DTNA: variants seen among roughly 807,000 people sequenced by gnomAD.
DTNA encodes dystrobrevin alpha.
A neutral mutation model predicts 100.7 loss-of-function variants in DTNA; 43 were observed. The ratio of observed to expected loss-of-function variants is 0.43; its 90% CI spans 0.33 to 0.55. The LOEUF is 0.55. DTNA is among the 20% of genes least tolerant of loss of function. The pLI, the probability that DTNA is intolerant of heterozygous loss-of-function variation, is 0.04. For synonymous variants in DTNA, 349 were observed against 347.9 expected, an observed-to-expected ratio of 1.00 and a Z score of -0.04; for missense variants, 798 against 953.9, an observed-to-expected ratio of 0.84 and a Z score of 2.15.
chr18:34,553,269 C>G (rs2045653289), intron 1 of DTNA, among the ~76,000 whole-genome samples: 1 of 151,358 alleles, frequency 6.6e-6, no homozygotes, highest in African/African-American at 2.4e-5. Context: ...ATTCTAGATT[C>G]TGGATATTAG....
chr18:34,886,050 C>T (rs1314280848), intron 22 of DTNA, among the ~76,000 whole-genome samples: 3 of 152,234 alleles, frequency 2.0e-5, no homozygotes, highest in Non-Finnish European at 2.9e-5. Context: ...AACATTTGAG[C>T]TTTCCCAATC....
At chr18:34,494,981 C>G (rs2039028721) in intron 1 of DTNA, among the ~76,000 whole-genome samples, 1 of 151,878 alleles carries the variant, frequency 6.6e-6, no homozygotes, top group African/African-American at 2.4e-5. Flanking sequence ...TAGATTTATT[C>G]ACTGTCTTAA....
chr18:34,761,323 A>G (rs531482164), intron 2 of DTNA, among the ~76,000 whole-genome samples: 24 of 152,372 alleles, frequency 1.6e-4, no homozygotes, highest in African/African-American at 5.3e-4. Flanking sequence ...AAAAATGGCT[A>G]TATAATGAGC....
chr18:34,596,674 T>C (rs2050675810), intron 1 of DTNA, among the ~76,000 whole-genome samples: 1 of 152,226 alleles, frequency 6.6e-6, no homozygotes, highest in African/African-American at 2.4e-5. Flanking sequence ...TTTTACACTC[T>C]TCGTTCTAGA....
intron 1 of DTNA, among the ~76,000 whole-genome samples, chr18:34,557,812 C>T (rs2046237967): frequency 6.6e-6 from 1 of 152,158 alleles, no homozygotes; most frequent in Non-Finnish European, 1.5e-5. Flanking sequence ...GAGGTTACTG[C>T]TGCCTTTTTG....
At chr18:34,727,007 C>G (rs949753601) in intron 1 of DTNA, among the ~76,000 whole-genome samples, 1 of 152,248 alleles carries the variant, frequency 6.6e-6, no homozygotes, top group African/African-American at 2.4e-5. Context: ...GCCTCCTTCA[C>G]TTGTGCATTC....
intron 1 of DTNA, among the ~76,000 whole-genome samples, chr18:34,571,804 A>C (rs944420581): frequency 6.6e-6 from 1 of 152,162 alleles, no homozygotes; most frequent in African/African-American, 2.4e-5. Flanking sequence ...CTTTTTCAAC[A>C]TACCCCATTC....
Position 34,629,075 on chromosome 18 carries a change from CAT to C in DTNA, c.-1-126897_-1-126896del, listed in dbSNP as rs201397829. On this transcript the variant is annotated intron_variant, in intron 1 of 19. Transcript: ENST00000283365. ...TTTATTAAATTATGAAATGGCATAT[CAT>C]ATAAATATTTTAACAATTAGAAGAA... is the stretch of plus-strand genomic sequence containing the variant. 5.0e-3 allele frequency among the ~76,000 whole-genome samples: 763 copies of C among 152,156 alleles called. 5 individuals are homozygous for C. Among genetic ancestry groups the C allele is most frequent in the African/African-American group, 0.017 (712 of 41,526 alleles).
In DTNA at chr18:34,864,069, C is replaced by T. The variant is rs1302434139; in HGVS notation, c.1743+7C>T. 1.2e-6 allele frequency: 2 copies of T among 1,603,146 alleles called. No individual in the cohort carries two copies. Among genetic ancestry groups the T allele is most frequent in the Non-Finnish European group, 8.5e-7 (1 of 1,174,528 alleles). On this transcript the variant is annotated splice_region_variant and intron_variant, in intron 17 of 22. Transcript: ENST00000444659. ...TCTCATGAAGCTACTAAAGGTAAGACCTGCCAGATAAATTTTCCTGAGCTT... is the reference window on the plus strand; with the variant it reads ...TCTCATGAAGCTACTAAAGGTAAGATCTGCCAGATAAATTTTCCTGAGCTT...
At chr18:34,854,297 C>G (rs2096526905) in intron 15 of DTNA, among the ~76,000 whole-genome samples, 1 of 152,108 alleles carries the variant, frequency 6.6e-6, no homozygotes, top group Non-Finnish European at 1.5e-5. Flanking sequence ...TTTTTTGGAA[C>G]AAAATATTAC....
At chr18:34,819,511 A>T (rs1168547778) in intron 8 of DTNA, among the ~76,000 whole-genome samples, 1 of 152,224 alleles carries the variant, frequency 6.6e-6, no homozygotes, top group Non-Finnish European at 1.5e-5. Flanking sequence ...CTATTTTCTT[A>T]TTGTTAGCAT....
chr18:34,652,087 G>A (rs563439784), intron 1 of DTNA, among the ~76,000 whole-genome samples: 1 of 142,830 alleles, frequency 7.0e-6, no homozygotes, highest in Non-Finnish European at 1.5e-5. Flanking sequence ...AAGAAAAAAG[G>A]AAGGAAGGAA....
At chr18:34,577,812 T>TA (rs56331755) in intron 1 of DTNA, among the ~76,000 whole-genome samples, 16,145 of 152,202 alleles carry the variant, frequency 0.11, 1,271 homozygotes, top group African/African-American at 0.22. Flanking sequence ...TGTATATGTA[T>TA]AATATATGTG....
intron 14 of DTNA, among the ~76,000 whole-genome samples, chr18:34,849,039 G>A (rs1344161981): frequency 6.6e-6 from 1 of 152,162 alleles, no homozygotes; most frequent in Non-Finnish European, 1.5e-5. Flanking sequence ...ATGACCGACT[G>A]CATTAGCCCT....
At chr18:34,591,113 A>AT (rs113703399) in intron 1 of DTNA, among the ~76,000 whole-genome samples, 49 of 151,464 alleles carry the variant, frequency 3.2e-4, no homozygotes, top group Middle Eastern at 3.4e-3. Flanking sequence ...TAAACATTTC[A>AT]TTTTTTTTTC....
rs140446215 is a variant in DTNA, at chr18:34,815,962, G to T, written c.657G>T (p.Pro219=). 9.9e-6 allele frequency: 16 copies of T among 1,613,622 alleles called. No individual in the cohort carries two copies. The highest frequency in any genetic ancestry group is 1.3e-5 in the Non-Finnish European group (15 of 1,179,770). ...ACACGCTTATGTCAGATCCTCCCCC[G>T]CAGTGTCTGGTCTGGTTGCCTCTTC... ...FLDTLMSDPP[P]QCLVWLPLLH... Residue 219 remains proline, a synonymous_variant, in exon 7 of 23, where the codon CCG becomes CCT. Coordinates refer to ENST00000444659, the MANE Select transcript of DTNA (RefSeq NM_001386795.1).
chr18:34,671,365 C>G (rs188196941), intron 1 of DTNA, among the ~76,000 whole-genome samples: 14 of 152,234 alleles, frequency 9.2e-5, no homozygotes, highest in African/African-American at 3.4e-4. Flanking sequence ...ATTCACTGAC[C>G]CCTTGTGCTT....
At chr18:34,660,193 A>G (rs1334847916) in intron 1 of DTNA, among the ~76,000 whole-genome samples, 1 of 152,084 alleles carries the variant, frequency 6.6e-6, no homozygotes, top group African/African-American at 2.4e-5. Context: ...TAAACTGAAA[A>G]TAAAATTCTA....
intron 1 of DTNA, among the ~76,000 whole-genome samples, chr18:34,702,456 C>G (rs2081508630): frequency 6.6e-6 from 1 of 152,196 alleles, no homozygotes; most frequent in Non-Finnish European, 1.5e-5. Context: ...CATAAGACAA[C>G]TGCTAGATTG....
Sources: gnomAD v4.1 joint callset for allele counts (sites outside exome capture counted in the v4.1 genomes callset) on GRCh38, gnomAD v4.1.1 for gene constraint, MANE v1.5 for transcripts, NCBI Gene and HGNC (gene_info 2026-07-23, HGNC 2026-07-21) for gene names.